The following RFX2 variants were observed in gnomAD, a reference collection of about 807,000 sequenced individuals.
The protein encoded by RFX2 is regulatory factor X2.
A neutral mutation model predicts 87.8 loss-of-function variants in RFX2; 20 were observed. The observed-to-expected ratio is 0.23, with a 90% CI of 0.16 to 0.33. The LOEUF is 0.33. RFX2 is among the 10% of genes least tolerant of loss of function. The pLI, the probability that RFX2 is intolerant of heterozygous loss-of-function variation, is 1.00. For missense variants in RFX2, 767 were observed against 1,012.3 expected, an observed-to-expected ratio of 0.76 and a Z score of 3.29; for synonymous variants, 397 against 431.3, an observed-to-expected ratio of 0.92 and a Z score of 0.98.
At chr19:6,070,714 T>C (rs1185127021) in intron 1 of RFX2, among the ~76,000 whole-genome samples, 1 of 152,190 alleles carries the variant, frequency 6.6e-6, no homozygotes, top group African/African-American at 2.4e-5. Context: ...TTCTTTTTCT[T>C]TTCTAGACAC....
At chr19:6,103,515 C>T (rs1380921102) in intron 1 of RFX2, among the ~76,000 whole-genome samples, 1 of 152,166 alleles carries the variant, frequency 6.6e-6, no homozygotes, top group Non-Finnish European at 1.5e-5. Context: ...CAGACTCTGA[C>T]TGTGTTGGCA....
In RFX2 at chr19:5,995,628, A is replaced by T. The variant is rs565959888; in HGVS notation, c.2029T>A (p.Ser677Thr). The change falls in exon 17 of 18, where the codon TCT becomes ACT. Residue 677 changes from serine to threonine, a missense_variant. By Grantham distance (58) the Ser-to-Thr change is moderately conservative (BLOSUM62 1). Transcript: ENST00000303657. The stretch of plus-strand genomic sequence containing the variant: ...TTGTCGAGCAGCGTCAGCGACAGAG[A>T]GGCGAGATCGTTGAACTGAAAGAGA... ...AVMGEFNDLA[S>T]LSLTLLDKDD... is the part of the protein sequence containing the mutation. 3.9e-6 allele frequency: 6 copies of T among 1,552,510 alleles called. No individual in the cohort carries two copies. The highest frequency in any genetic ancestry group is 5.2e-6 in the Non-Finnish European group (6 of 1,147,544).
Position 6,008,242 on chromosome 19 carries a change from G to A in RFX2, c.1016-18C>T, listed in dbSNP as rs1317286144. 6 of 1,500,394 alleles carry A rather than the reference G, an allele frequency of 4.0e-6. No homozygotes were observed. The highest frequency in any genetic ancestry group is 5.4e-6 in the Non-Finnish European group (6 of 1,104,828). 92.9% of individuals were successfully genotyped at this position (1,500,394 alleles called of 1,614,324 possible). A position where few individuals can be genotyped will look rare whatever the true frequency, so the allele number is the denominator to read the frequency against. ...GGAGACATCTGGGGGAGGAACACGG[G>A]AACATCAGAAATGGCGAGGCTCTTA... On this transcript the variant is annotated intron_variant, in intron 9 of 17. Coordinates refer to ENST00000303657, the MANE Select transcript of RFX2 (RefSeq NM_000635.4).
At position 6,093,732 on chromosome 19, in the gene RFX2, A is replaced by AC. The variant is rs545049193; in HGVS notation, c.-9+16660_-9+16661insG. ...TCTCTTTTTTGAAGAAGAAAAAAAA[A>AC]ACACACAAAAAAACCCTATTAGTCC... On this transcript the variant is annotated intron_variant, in intron 1 of 17. Coordinates refer to ENST00000303657, the MANE Select transcript of RFX2 (RefSeq NM_000635.4). Among the ~76,000 whole-genome samples, 227 of 152,148 alleles carry AC rather than the reference A, an allele frequency of 1.5e-3. 1 individual carries two copies. The highest frequency in any genetic ancestry group is 1.8e-3 in the Non-Finnish European group (119 of 67,984).
chr19:6,042,303 T>C (rs2087122079), intron 3 of RFX2, among the ~76,000 whole-genome samples, 180 bp from the exon 4 acceptor site: 1 of 152,184 alleles, frequency 6.6e-6, no homozygotes, highest in South Asian at 2.1e-4. Context: ...ACAGACGACA[T>C]ATTCCAAACG....
intron 5 of RFX2, among the ~76,000 whole-genome samples, chr19:6,035,244 A>G (rs1189163889): frequency 6.6e-6 from 1 of 152,030 alleles, no homozygotes; most frequent in Non-Finnish European, 1.5e-5. Context: ...GGAAGGGCCC[A>G]CTGAGGGCTG....
chr19:6,034,896 C>A (rs1160151412), intron 5 of RFX2, among the ~76,000 whole-genome samples: 2 of 152,128 alleles, frequency 1.3e-5, no homozygotes, highest in African/African-American at 2.4e-5. Context: ...CCGAAAATTT[C>A]TCTTTTAATG....
At chr19:6,034,322 G>A (rs565722275) in intron 5 of RFX2, among the ~76,000 whole-genome samples, 55 of 150,572 alleles carry the variant, frequency 3.7e-4, no homozygotes, top group East Asian at 2.2e-3. Context: ...TCCGCCTCCC[G>A]GGTTCAAGTG....
In RFX2 at chr19:6,002,061, C is replaced by A; in HGVS notation, c.1651-38G>T. The A allele has an allele frequency of 1.3e-6, 2 of 1,535,346 alleles. No homozygotes were observed. The highest frequency in any genetic ancestry group is 1.4e-5 in the African/African-American group (1 of 73,490). ...CAGAGGCCAGTGTCAGCAATGTGGA[C>A]CCCCAGCCACGGCAGCCCTCCCTGG... On this transcript the variant is annotated intron_variant, in intron 14 of 17. Coordinates refer to ENST00000303657, the MANE Select transcript of RFX2 (RefSeq NM_000635.4). The surrounding 1 kb of genome is among the most constrained non-coding windows in gnomAD (Gnocchi z 6.7).
In RFX2 at chr19:6,016,804, C is replaced by G. The variant is rs1399603901; in HGVS notation, c.598-533G>C. Among the ~76,000 whole-genome samples the G allele has an allele frequency of 6.6e-6, 1 of 152,168 alleles. No homozygotes were observed. Among genetic ancestry groups the G allele is most frequent in the African/African-American group, 2.4e-5 (1 of 41,438 alleles). ...TTAGCCTGGTTTTCAGGTTCCTGGACTTAATTTGTAAACATCTGGGTGTGA... is the reference window on the plus strand; with the variant it reads ...TTAGCCTGGTTTTCAGGTTCCTGGAGTTAATTTGTAAACATCTGGGTGTGA... On this transcript the variant is annotated intron_variant, in intron 6 of 17. Transcript: ENST00000303657. The surrounding 1 kb of genome is among the most constrained non-coding windows in gnomAD (Gnocchi z 5.4).
At chr19:6,032,279 G>A (rs1311306151) in intron 5 of RFX2, among the ~76,000 whole-genome samples, 2 of 151,906 alleles carry the variant, frequency 1.3e-5, no homozygotes, top group African/African-American at 2.4e-5. Context: ...GTGCCACCCC[G>A]TCCAGCTAAT....
intron 1 of RFX2, chr19:6,072,940 G>C: frequency 1.3e-6 from 1 of 785,380 alleles, no homozygotes; most frequent in Non-Finnish European, 2.2e-6. Flanking sequence ...GAAACCCAGA[G>C]GTATTGACAA....
intron 16 of RFX2, among the ~76,000 whole-genome samples, chr19:5,996,100 C>T (rs946016130): frequency 3.9e-5 from 6 of 152,202 alleles, no homozygotes; most frequent in Admixed American, 1.3e-4. Context: ...CCCTGGCCAC[C>T]GACTCTTAGA....
At chr19:6,102,291 T>C (rs576674749) in intron 1 of RFX2, among the ~76,000 whole-genome samples, 1 of 152,256 alleles carries the variant, frequency 6.6e-6, no homozygotes, top group Non-Finnish European at 1.5e-5. Flanking sequence ...GCAAAGCCTA[T>C]TTGATACTGA....
rs974708385 is a variant in RFX2, at chr19:6,091,694, T to C, written c.-9+18699A>G. On this transcript the variant is annotated intron_variant, in intron 1 of 17. Transcript: ENST00000303657. ...AATAAACTTCAGTAACAAACAACAA[T>C]ATCTGTTGGACACGATCCCTAACAG... Among the ~76,000 whole-genome samples the C allele has an allele frequency of 2.4e-4, 37 of 152,154 alleles. 1 individual carries two copies. The highest frequency in any genetic ancestry group is 5.9e-4 in the Admixed American group (9 of 15,280).
At position 6,020,424 on chromosome 19, in the gene RFX2, C is replaced by T. The variant is rs1349510529; in HGVS notation, c.598-4153G>A. 6.6e-6 allele frequency: 1 copy of T among 152,148 alleles called. No individual in the cohort carries two copies. Among genetic ancestry groups the T allele is most frequent in the Non-Finnish European group, 1.5e-5 (1 of 68,034 alleles). The allele number at this position is 152,148 out of a possible 1,614,324, so 9.4% of individuals were successfully genotyped here. ...AGAAGACTGAAGCGGCTGGAACAGT[C>T]GCGTCTATTTCCTCCCTCTTCTGTG... On this transcript the variant is annotated intron_variant, in intron 6 of 17. Coordinates refer to ENST00000303657, the MANE Select transcript of RFX2 (RefSeq NM_000635.4). This position sits in a 1 kb window ranked among gnomAD's most constrained non-coding sequence, Gnocchi z 5.3.
chr19:6,081,733 A>G (rs2087788142), intron 1 of RFX2, among the ~76,000 whole-genome samples: 1 of 152,212 alleles, frequency 6.6e-6, no homozygotes, highest in African/African-American at 2.4e-5. Flanking sequence ...AGGGTGGATC[A>G]CCTGAGGTCG....
chr19:6,104,970 T>G, intron 1 of RFX2, among the ~76,000 whole-genome samples: 1 of 151,674 alleles, frequency 6.6e-6, no homozygotes, highest in Non-Finnish European at 1.5e-5. Flanking sequence ...ATACAACAAT[T>G]AGCTGAGCGT....
intron 9 of RFX2, 151 bp from the exon 10 acceptor site, chr19:6,008,375 C>CT (rs112977122): frequency 0.086 from 33,680 of 393,268 alleles, 48 homozygotes; most frequent in East Asian, 0.097. Context: ...TTTTCTTTTT[C>CT]TTTTTTTTTT....
Sources: allele counts gnomAD v4.1 joint callset (sites outside exome capture counted in the v4.1 genomes callset), GRCh38; gene constraint gnomAD v4.1.1; non-coding constraint Gnocchi (gnomAD v3.1); transcripts MANE v1.5; gene names NCBI Gene and HGNC (gene_info 2026-07-23, HGNC 2026-07-21).